Variants in PDE4D observed in about 807,000 individuals in gnomAD.
PDE4D encodes phosphodiesterase 4D.
A neutral mutation model predicts 87.4 loss-of-function variants in PDE4D; 24 were observed. The ratio of observed to expected loss-of-function variants is 0.27; its 90% CI spans 0.20 to 0.39. PDE4D has a LOEUF of 0.39. Ranked by LOEUF, PDE4D falls within the 10% of genes least tolerant of loss-of-function variation. The probability of loss-of-function intolerance (pLI) is 1.00; values close to 1 mark genes in which losing one functional copy is unlikely to be tolerated. For synonymous variants in PDE4D, 384 were observed against 383.2 expected (o/e 1.00, Z -0.02); for missense variants, 714 against 1,041.0 (o/e 0.69, Z 4.32).
chr5:59,074,251 A>C (rs1047744288), intron 5 of PDE4D, among the ~76,000 whole-genome samples: 1 of 152,176 alleles, frequency 6.6e-6, no homozygotes, highest in Non-Finnish European at 1.5e-5. Flanking sequence ...CAGTATGTAG[A>C]TTTATTGTCA....
chr5:59,118,090 C>G (rs917247463), intron 5 of PDE4D, among the ~76,000 whole-genome samples: 1 of 152,062 alleles, frequency 6.6e-6, no homozygotes, highest in Non-Finnish European at 1.5e-5. Context: ...TCATGGTGCC[C>G]GGCACAGTGT....
intron 1 of PDE4D, among the ~76,000 whole-genome samples, chr5:60,274,474 C>T (rs1179464793): frequency 4.6e-5 from 7 of 152,164 alleles, no homozygotes; most frequent in South Asian, 2.1e-4. Flanking sequence ...GATTCTCCTG[C>T]CTCAGCCTCC....
At chr5:60,361,236 C>T (rs1045540093) in intron 1 of PDE4D, among the ~76,000 whole-genome samples, 6 of 152,170 alleles carry the variant, frequency 3.9e-5, no homozygotes, top group Non-Finnish European at 8.8e-5. Flanking sequence ...GATCTGTTCC[C>T]ATGGACTGGT....
At chr5:59,054,655 A>G (rs1056041026) in intron 5 of PDE4D, among the ~76,000 whole-genome samples, 3 of 152,032 alleles carry the variant, frequency 2.0e-5, no homozygotes, top group Admixed American at 1.3e-4. Flanking sequence ...TACCATACAC[A>G]TAAGAGTAAA....
intron 6 of PDE4D, among the ~76,000 whole-genome samples, chr5:58,996,608 T>C (rs895724086): frequency 4.6e-5 from 7 of 152,196 alleles, no homozygotes; most frequent in Admixed American, 3.3e-4. Flanking sequence ...CTGGGAGTGA[T>C]TGATAAAGAT....
At chr5:59,026,886 T>G (rs1756353473) in intron 6 of PDE4D, among the ~76,000 whole-genome samples, 1 of 152,224 alleles carries the variant, frequency 6.6e-6, no homozygotes, top group Non-Finnish European at 1.5e-5. Context: ...TGTTTCCCAT[T>G]TTTAATGTCT....
At chr5:60,260,203 C>A (rs556474619) in intron 1 of PDE4D, among the ~76,000 whole-genome samples, 15 of 151,980 alleles carry the variant, frequency 9.9e-5, no homozygotes, top group African/African-American at 3.6e-4. Context: ...TTGGAAAAAG[C>A]TGCTCTGAAT....
At chr5:60,404,181 G>GTC (rs1232025203) in intron 1 of PDE4D, among the ~76,000 whole-genome samples, 2 of 41,582 alleles carry the variant, frequency 4.8e-5, no homozygotes, top group Middle Eastern at 0.011. Flanking sequence ...TTTTTTTTTT[G>GTC]TCTCTCTCTC....
chr5:60,063,145 A>AGAAG (rs1771654297), intron 2 of PDE4D, among the ~76,000 whole-genome samples: 1 of 96,728 alleles, frequency 1.0e-5, no homozygotes, highest in Non-Finnish European at 2.5e-5. Context: ...AAAGAAAGAA[A>AGAAG]GAAAGAAAGA....
At chr5:59,610,023 GGTGAATA>G (rs976690040) in intron 1 of PDE4D, among the ~76,000 whole-genome samples, 10 of 152,292 alleles carry the variant, frequency 6.6e-5, no homozygotes, top group African/African-American at 2.2e-4. Context: ...CTACTCTGCA[GGTGAATA>G]GTGTTCTGGT....
intron 1 of PDE4D, among the ~76,000 whole-genome samples, chr5:60,441,293 A>T (rs1320818326): frequency 6.6e-6 from 1 of 152,148 alleles, no homozygotes; most frequent in Non-Finnish European, 1.5e-5. Context: ...ACACATCTAC[A>T]ACCATCTGAT....
chr5:59,434,813 A>G (rs1796580396), intron 1 of PDE4D, among the ~76,000 whole-genome samples: 2 of 152,190 alleles, frequency 1.3e-5, no homozygotes, highest in African/African-American at 4.8e-5. Context: ...CACAAACCCT[A>G]GAGACATGAA....
rs145433600 is a variant in PDE4D, at chr5:59,264,631, T to G, written c.456-48663A>C. Among the ~76,000 whole-genome samples, 281 of 152,118 alleles carry G rather than the reference T, an allele frequency of 1.8e-3. 1 individual carries two copies. Among genetic ancestry groups the G allele is most frequent in the African/African-American group, 6.5e-3 (271 of 41,518 alleles). On this transcript the variant is annotated intron_variant, in intron 1 of 14. Transcript: ENST00000340635. The stretch of plus-strand genomic sequence containing the variant: ...TCAGGGAATCTTTAATGGTTAATTT[T>G]TTTTCCCAAGCTGGTGAACTCCACC...
At chr5:59,462,970 G>C (rs1180633041) in intron 1 of PDE4D, among the ~76,000 whole-genome samples, 4 of 151,840 alleles carry the variant, frequency 2.6e-5, no homozygotes, top group African/African-American at 9.7e-5. Flanking sequence ...CATACTGAGA[G>C]ACCCCTCTAT....
At chr5:59,413,976 C>A (rs1793166101) in intron 1 of PDE4D, among the ~76,000 whole-genome samples, 1 of 152,122 alleles carries the variant, frequency 6.6e-6, no homozygotes, top group African/African-American at 2.4e-5. Context: ...GCTCAGAATT[C>A]TATTATGCAT....
At chr5:59,976,588 A>C (rs1039084958) in intron 3 of PDE4D, among the ~76,000 whole-genome samples, 2 of 152,216 alleles carry the variant, frequency 1.3e-5, no homozygotes, top group Non-Finnish European at 2.9e-5. Context: ...CACCCTGCTA[A>C]ACAATGAGCC....
intron 1 of PDE4D, among the ~76,000 whole-genome samples, chr5:60,350,856 C>T (rs1024947604): frequency 2.0e-5 from 3 of 152,052 alleles, no homozygotes; most frequent in Non-Finnish European, 4.4e-5. Flanking sequence ...AAAAAGATCC[C>T]TACTCTGTTT....
At chr5:59,669,126 G>A (rs1036774181) in intron 1 of PDE4D, among the ~76,000 whole-genome samples, 53 of 152,136 alleles carry the variant, frequency 3.5e-4, no homozygotes, top group African/African-American at 1.3e-3. Flanking sequence ...ATGGAGTTTC[G>A]CTCTTGTTGC....
At chr5:59,097,861 T>C (rs1770021624) in intron 5 of PDE4D, among the ~76,000 whole-genome samples, 1 of 152,194 alleles carries the variant, frequency 6.6e-6, no homozygotes, top group Non-Finnish European at 1.5e-5. Flanking sequence ...CTTCCTCTCC[T>C]AGAAAATTAA....
Sources: gnomAD v4.1 joint callset for allele counts (sites outside exome capture counted in the v4.1 genomes callset) on GRCh38, gnomAD v4.1.1 for gene constraint, MANE v1.5 for transcripts, NCBI Gene and HGNC (gene_info 2026-07-23, HGNC 2026-07-21) for gene names.